Variants in TEX9 observed in about 807,000 individuals in gnomAD.
TEX9 encodes the protein testis-expressed protein 9.
TEX9 carries 74 observed loss-of-function variants against 59.6 expected under a neutral mutation model. The ratio of observed to expected loss-of-function variants is 1.24; its 90% confidence interval spans 1.03 to 1.51. The LOEUF (loss-of-function observed/expected upper bound fraction) is 1.51, where lower values mean the gene tolerates loss of function less well. Among genes scored for constraint, TEX9 ranks in the 40% most tolerant of loss-of-function variants. TEX9 has a pLI of 0.00. For synonymous variants in TEX9, 186 were observed against 152.2 expected, an observed-to-expected ratio of 1.22 and a Z score of -1.64; for missense variants, 522 against 447.8, an observed-to-expected ratio of 1.17 and a Z score of -1.49.
intron 1 of TEX9, among the ~76,000 whole-genome samples, chr15:56,318,355 T>A (rs1257584082): frequency 6.6e-6 from 1 of 152,154 alleles, no homozygotes; most frequent in Admixed American, 6.5e-5. Flanking sequence ...GCATGCTATA[T>A]GTTTTGTCAT....
chr15:56,434,054 T>A, intron 12 of TEX9: 1 of 1,402,236 alleles, frequency 7.1e-7, no homozygotes, highest in Admixed American at 2.2e-5. Flanking sequence ...CATATAAAGC[T>A]TCTCAGTAAA....
chr15:56,428,562 T>C (rs561751283), intron 12 of TEX9: 1 of 679,832 alleles, frequency 1.5e-6, no homozygotes, highest in East Asian at 2.8e-5. Context: ...GAAAGCAAAA[T>C]AATTTCAAAG....
intron 1 of TEX9, among the ~76,000 whole-genome samples, chr15:56,326,421 T>A (rs528957678): frequency 5.9e-5 from 9 of 152,310 alleles, no homozygotes; most frequent in South Asian, 2.1e-4. Flanking sequence ...ATAAATGTTT[T>A]TATCATCTAA....
downstream of TEX9, among the ~76,000 whole-genome samples, chr15:56,450,747 GA>G (rs140129964): frequency 7.9e-3 from 1,204 of 152,182 alleles, 12 homozygotes; most frequent in African/African-American, 0.027. Context: ...TCTCACTATT[GA>G]ATTTTTTGTA....
rs774981818 is a variant in TEX9 at position 56,384,076 on chromosome 15, C to T, written c.263+45C>T. ...AAGCACCTTCTTTTAAAAGGATGTA[C>T]ATGGATCGTTATGTAAGATCTTTTT... On this transcript the variant is annotated intron_variant, in intron 4 of 12. Coordinates refer to ENST00000352903, the Ensembl canonical transcript of TEX9. 3 of 1,443,134 alleles carry T rather than the reference C, an allele frequency of 2.1e-6. No homozygotes were observed. The African/African-American group carries it at 4.3e-5, about 21-fold the overall frequency. 89.4% of individuals were successfully genotyped at this position (1,443,134 alleles called of 1,614,324 possible).
intron 1 of TEX9, among the ~76,000 whole-genome samples, chr15:56,250,651 A>G (rs1482400366): frequency 6.6e-6 from 1 of 152,140 alleles, no homozygotes; most frequent in Non-Finnish European, 1.5e-5. Context: ...ATTTTAAAGG[A>G]ATTGGCTTAT....
intron 1 of TEX9, among the ~76,000 whole-genome samples, chr15:56,249,312 C>T (rs773200702): frequency 1.4e-4 from 21 of 152,254 alleles, no homozygotes; most frequent in Non-Finnish European, 3.1e-4. Context: ...AATGAAGCCT[C>T]CTGGAACAGG....
chr15:56,293,880 C>T (rs1387944100), intron 1 of TEX9, among the ~76,000 whole-genome samples: 1 of 152,226 alleles, frequency 6.6e-6, no homozygotes, highest in African/African-American at 2.4e-5. Context: ...TGTCTCTTCC[C>T]TTGGATTTAT....
chr15:56,309,184 C>G (rs568038044), intron 1 of TEX9, among the ~76,000 whole-genome samples: 14 of 152,264 alleles, frequency 9.2e-5, no homozygotes, highest in Middle Eastern at 6.8e-3. Context: ...AAGTATGACA[C>G]TAGCTGTAGG....
chr15:56,354,912 T>C (rs1469510983), intron 1 of TEX9, among the ~76,000 whole-genome samples: 1 of 152,202 alleles, frequency 6.6e-6, no homozygotes, highest in Non-Finnish European at 1.5e-5. Flanking sequence ...TCAAACTGAA[T>C]TCAAGGAAGG....
At chr15:56,401,146 G>A (rs1157118449) in intron 9 of TEX9, among the ~76,000 whole-genome samples, 1 of 151,900 alleles carries the variant, frequency 6.6e-6, no homozygotes, top group Non-Finnish European at 1.5e-5. Flanking sequence ...AACCTTAAAT[G>A]TAAATAGGCT....
chr15:56,347,511 C>T (rs1056429127), intron 1 of TEX9, among the ~76,000 whole-genome samples: 8 of 151,270 alleles, frequency 5.3e-5, no homozygotes, highest in Admixed American at 1.3e-4. Flanking sequence ...GGTTCCAGAG[C>T]AACTGGAAAC....
intron 4 of TEX9, among the ~76,000 whole-genome samples, chr15:56,385,158 T>C (rs1330959455): frequency 6.6e-6 from 1 of 152,212 alleles, no homozygotes; most frequent in East Asian, 1.9e-4. Flanking sequence ...ATCAGTTGAC[T>C]GCAGACATAT....
chr15:56,330,070 T>C (rs1317943389), intron 1 of TEX9, among the ~76,000 whole-genome samples: 1 of 151,838 alleles, frequency 6.6e-6, no homozygotes, highest in Non-Finnish European at 1.5e-5. Flanking sequence ...CTCCAATATG[T>C]CTGGCAGCAG....
intron 2 of TEX9, among the ~76,000 whole-genome samples, chr15:56,371,135 A>T (rs145562621): frequency 2.9e-4 from 44 of 152,316 alleles, no homozygotes; most frequent in South Asian, 6.2e-4. Flanking sequence ...GATGTGAGCC[A>T]CTGCACCCAG....
intron 12 of TEX9, among the ~76,000 whole-genome samples, chr15:56,433,685 CAAAGT>C (rs2050663140): frequency 6.6e-6 from 1 of 152,114 alleles, no homozygotes; most frequent in African/African-American, 2.4e-5. Context: ...AATCGTCTTT[CAAAGT>C]ACAGATCTTA....
intron 3 of TEX9, among the ~76,000 whole-genome samples, chr15:56,378,202 G>T (rs1313706026): frequency 6.6e-6 from 1 of 151,974 alleles, no homozygotes; most frequent in Non-Finnish European, 1.5e-5. Context: ...ATGTGTCTTT[G>T]GTTTTGGTTT....
chr15:56,324,329 A>G (rs2045972005), intron 1 of TEX9, among the ~76,000 whole-genome samples: 1 of 152,144 alleles, frequency 6.6e-6, no homozygotes, highest in Non-Finnish European at 1.5e-5. Flanking sequence ...AGATCATTAC[A>G]AGTCTATACT....
intron 3 of TEX9, among the ~76,000 whole-genome samples, chr15:56,378,814 C>T (rs2047580795): frequency 6.6e-6 from 1 of 151,616 alleles, no homozygotes; most frequent in Non-Finnish European, 1.5e-5. Flanking sequence ...AGCTGTAATC[C>T]CAGCACTTTG....
Sources: allele counts gnomAD v4.1 joint callset (sites outside exome capture counted in the v4.1 genomes callset), GRCh38; gene constraint gnomAD v4.1.1; transcripts MANE v1.5; gene names NCBI Gene and HGNC (gene_info 2026-07-23, HGNC 2026-07-21).